Variants in PLCB4 observed in about 807,000 individuals in gnomAD.
PLCB4 encodes 1-phosphatidylinositol 4,5-bisphosphate phosphodiesterase beta-4.
In PLCB4, 77 loss-of-function variants were observed where a neutral mutation model predicts 178.8. The ratio of observed to expected loss-of-function variants is 0.43; its 90% CI spans 0.36 to 0.52. The LOEUF (loss-of-function observed/expected upper bound fraction) is 0.52, where lower values mean the gene tolerates loss of function less well. Ranked by LOEUF, PLCB4 falls within the 20% of genes least tolerant of loss-of-function variation. The probability of loss-of-function intolerance (pLI) is 0.00; values close to 1 mark genes in which losing one functional copy is unlikely to be tolerated. For missense variants in PLCB4, 1,024 were observed against 1,453.4 expected (o/e 0.70, Z 4.80); for synonymous variants, 496 against 490.8 (o/e 1.01, Z -0.14).
chr20:9,121,936 C>T (rs1050449227), intron 2 of PLCB4, among the ~76,000 whole-genome samples: 10 of 152,270 alleles, frequency 6.6e-5, no homozygotes, highest in East Asian at 1.9e-4. Context: ...TTATTACCAG[C>T]GGCATTCCTG....
intron 3 of PLCB4, among the ~76,000 whole-genome samples, chr20:9,232,984 GAGT>G (rs2093950125): frequency 6.6e-6 from 1 of 152,096 alleles, no homozygotes; most frequent in Non-Finnish European, 1.5e-5. Flanking sequence ...TAGCATCAAA[GAGT>G]TTATTAGTTC....
chr20:9,159,396 T>C (rs2092845350), intron 2 of PLCB4, among the ~76,000 whole-genome samples: 1 of 152,166 alleles, frequency 6.6e-6, no homozygotes, highest in African/African-American at 2.4e-5. Context: ...ATAGGATTAT[T>C]ATATATTGAT....
intron 2 of PLCB4, among the ~76,000 whole-genome samples, chr20:9,123,502 T>G (rs1600565532): frequency 6.6e-6 from 1 of 151,832 alleles, no homozygotes; most frequent in East Asian, 1.9e-4. Flanking sequence ...AGAGTGCCCC[T>G]TAAAGTTTAT....
At position 9,072,828 on chromosome 20, in the gene PLCB4, G is replaced by C. The variant is rs926303862; in HGVS notation, c.-135+3622G>C. 2.6e-5 allele frequency among the ~76,000 whole-genome samples: 4 copies of C among 152,174 alleles called. No individual in the cohort carries two copies. In the East Asian group the frequency reaches 7.7e-4, roughly 29 times the overall value. ...TGTTCCAGGGAATGAATGACCAGCAGAGTGTTTATTTTCCCTGCATGCACT... is the reference window on the plus strand; with the variant it reads ...TGTTCCAGGGAATGAATGACCAGCACAGTGTTTATTTTCCCTGCATGCACT... On this transcript the variant is annotated intron_variant, in intron 1 of 39. Coordinates refer to ENST00000378473, the MANE Select transcript of PLCB4 (RefSeq NM_001377142.1).
chr20:9,451,871 C>T (rs1234496808), intron 32 of PLCB4, among the ~76,000 whole-genome samples: 2 of 152,224 alleles, frequency 1.3e-5, no homozygotes, highest in East Asian at 3.8e-4. Context: ...GTGACTCACC[C>T]CAGCACTGAA....
intron 25 of PLCB4, among the ~76,000 whole-genome samples, chr20:9,413,876 T>C (rs2040054286): frequency 6.6e-6 from 1 of 152,036 alleles, no homozygotes; most frequent in Non-Finnish European, 1.5e-5. Flanking sequence ...TCCTCCCTCC[T>C]CCACCCCTCA....
At chr20:9,472,875 T>G (rs773790797) in intron 37 of PLCB4, 28 bp downstream of exon 37, 2 of 1,348,384 alleles carry the variant, frequency 1.5e-6, no homozygotes, top group East Asian at 2.3e-5. Context: ...TTTTTGGCAT[T>G]CTTCCTTTAA....
chr20:9,443,216 A>G (rs1045296778), intron 30 of PLCB4, among the ~76,000 whole-genome samples: 1 of 152,258 alleles, frequency 6.6e-6, no homozygotes, highest in African/African-American at 2.4e-5. Flanking sequence ...TCAATAGCAC[A>G]TTGCTTAAAT....
chr20:9,474,311 T>G (rs1164932995), intron 38 of PLCB4, among the ~76,000 whole-genome samples: 1 of 152,068 alleles, frequency 6.6e-6, no homozygotes, highest in Non-Finnish European at 1.5e-5. Flanking sequence ...ATCTGGTGCA[T>G]AGTACAGGTG....
At chr20:9,154,120 C>T (rs2092739909) in intron 2 of PLCB4, among the ~76,000 whole-genome samples, 1 of 152,094 alleles carries the variant, frequency 6.6e-6, no homozygotes, top group Non-Finnish European at 1.5e-5. Context: ...TCGGTTTAGG[C>T]CATCAGGTCC....
chr20:9,201,211 A>G (rs1357981677), intron 2 of PLCB4, among the ~76,000 whole-genome samples: 2 of 152,214 alleles, frequency 1.3e-5, no homozygotes, highest in African/African-American at 4.8e-5. Flanking sequence ...TGTTTTCTAA[A>G]TATTAAATGC....
intron 2 of PLCB4, among the ~76,000 whole-genome samples, chr20:9,144,760 GAA>G (rs2092565849): frequency 1.2e-5 from 1 of 85,616 alleles, no homozygotes; most frequent in Non-Finnish European, 2.3e-5. Context: ...GGAAGGAGGG[GAA>G]GGAGGGGAAT....
chr20:9,371,360 G>C, intron 10 of PLCB4, 65 bp downstream of exon 10: 1 of 830,838 alleles, frequency 1.2e-6, no homozygotes, highest in Non-Finnish European at 2.0e-6. Flanking sequence ...CATATGTAAT[G>C]AGCTAGATTA....
At position 9,437,738 on chromosome 20, in the gene PLCB4, T is replaced by TG. The variant is rs1239365332; in HGVS notation, c.2764+589dup. Among the ~76,000 whole-genome samples the TG allele has an allele frequency of 1.5e-4, 23 of 152,288 alleles. 1 individual carries two copies. The East Asian group carries it at 4.4e-3, about 29-fold the overall frequency. On this transcript the variant is annotated intron_variant, in intron 30 of 39. Transcript: ENST00000378473. ...TTCTGGGGTCATCCTGAGAAGGTCATGGGAAATGAGTCAAAGGAGTATTTG... is the reference window on the plus strand; with the variant it reads ...TTCTGGGGTCATCCTGAGAAGGTCATGGGGAAATGAGTCAAAGGAGTATTTG...
intron 4 of PLCB4, 123 bp downstream of exon 4, chr20:9,308,021 T>C: frequency 4.1e-6 from 2 of 491,380 alleles, no homozygotes; most frequent in Middle Eastern, 5.5e-4. Context: ...TAGGTTGGAG[T>C]TGTTGAAAAG....
chr20:9,438,631 G>A (rs2041927578), intron 30 of PLCB4, among the ~76,000 whole-genome samples: 2 of 152,130 alleles, frequency 1.3e-5, no homozygotes, highest in Non-Finnish European at 2.9e-5. Context: ...TGGAGAAGAA[G>A]AAGGAGGGAC....
At chr20:9,337,310 A>T in intron 5 of PLCB4, 104 bp downstream of exon 5, 1 of 779,942 alleles carries the variant, frequency 1.3e-6, no homozygotes, top group Non-Finnish European at 2.3e-6. Context: ...ACCCTTATTC[A>T]TTCATTCAAG....
intron 2 of PLCB4, among the ~76,000 whole-genome samples, chr20:9,150,031 C>T (rs2092665244): frequency 1.3e-5 from 2 of 152,138 alleles, no homozygotes; most frequent in African/African-American, 4.8e-5. Context: ...GGGAATTTTC[C>T]AGAGAGGACT....
At chr20:9,402,877 T>C (rs141924429) in intron 20 of PLCB4, among the ~76,000 whole-genome samples, 24 of 152,294 alleles carry the variant, frequency 1.6e-4, no homozygotes, top group African/African-American at 5.5e-4. Flanking sequence ...GGGATGACTA[T>C]TTGAGATGCC....
Sources: allele counts gnomAD v4.1 joint callset (sites outside exome capture counted in the v4.1 genomes callset), GRCh38; gene constraint gnomAD v4.1.1; transcripts MANE v1.5; gene names NCBI Gene and HGNC (gene_info 2026-07-23, HGNC 2026-07-21).